LRRC9: variants seen among roughly 807,000 people sequenced by gnomAD.
LRRC9 encodes the protein leucine-rich repeat-containing protein 9.
A neutral mutation model predicts 63.2 loss-of-function variants in LRRC9; 122 were observed. That is an observed-to-expected ratio of 1.93 (90% CI 1.67 to 2.24). LRRC9 has a LOEUF of 2.24. Among genes scored for constraint, LRRC9 ranks in the 30% most tolerant of loss-of-function variants. The pLI is 0.00. For synonymous variants in LRRC9, 366 were observed against 213.1 expected, an observed-to-expected ratio of 1.72 and a Z score of -6.25; for missense variants, 1,071 against 627.7, an observed-to-expected ratio of 1.71 and a Z score of -7.55.
intron 8 of LRRC9, among the ~76,000 whole-genome samples, chr14:59,945,316 C>T (rs758831524): frequency 6.6e-6 from 1 of 151,732 alleles, no homozygotes; most frequent in Non-Finnish European, 1.5e-5. Context: ...AAAACGGAAT[C>T]TTGTATATAT....
Position 60,058,338 on chromosome 14 carries a change from G to A in LRRC9, c.4276+316G>A, listed in dbSNP as rs147675856. 1.6e-3 allele frequency among the ~76,000 whole-genome samples: 249 copies of A among 152,108 alleles called. 2 individuals carry two copies. The highest frequency in any genetic ancestry group is 5.3e-3 in the African/African-American group (219 of 41,512). On this transcript the variant is annotated intron_variant, in intron 31 of 31. Coordinates refer to ENST00000445360, the Ensembl canonical transcript of LRRC9. This position sits in a 1 kb window ranked among gnomAD's most constrained non-coding sequence, Gnocchi z 4.4. ...TTTCAAAGCTTTTATTTCATTTCAT[G>A]GATGTCAGAGCAAACAACTACTAAA...
At chr14:59,967,062 T>C (rs770781698) in intron 11 of LRRC9, 34 bp from the exon 12 acceptor site, 2 of 590,964 alleles carry the variant, frequency 3.4e-6, no homozygotes, top group South Asian at 2.0e-5. Context: ...GTGAAATCAA[T>C]CCTCAAACTT....
At chr14:59,965,523 T>C (rs546462530) in intron 10 of LRRC9, among the ~76,000 whole-genome samples, 1 of 152,264 alleles carries the variant, frequency 6.6e-6, no homozygotes, top group Non-Finnish European at 1.5e-5. Flanking sequence ...ATGGTAACAG[T>C]GGTGATGATG....
intron 23 of LRRC9, among the ~76,000 whole-genome samples, chr14:60,013,821 G>A (rs1016657852): frequency 6.6e-6 from 1 of 151,932 alleles, no homozygotes; most frequent in African/African-American, 2.4e-5. Flanking sequence ...GTTTCTTGTT[G>A]ACAACATACA....
intron 29 of LRRC9, among the ~76,000 whole-genome samples, chr14:60,033,127 ATTGT>A (rs1390515795): frequency 1.3e-5 from 2 of 151,718 alleles, no homozygotes; most frequent in South Asian, 2.1e-4. Context: ...TATTTTCCTA[ATTGT>A]TTGTTGCTGG....
chr14:60,043,756 C>CTTTTTTTTTCT (rs1893161923), intron 29 of LRRC9, among the ~76,000 whole-genome samples: 1 of 71,554 alleles, frequency 1.4e-5, no homozygotes, highest in Non-Finnish European at 2.8e-5. Context: ...TTTTCTTTTC[C>CTTTTTTTTTCT]TTTTTTTTTT....
intron 23 of LRRC9, among the ~76,000 whole-genome samples, chr14:60,013,413 T>C (rs1566876053): frequency 1.3e-5 from 2 of 152,176 alleles, no homozygotes; most frequent in Non-Finnish European, 2.9e-5. Flanking sequence ...AACTTACCTC[T>C]GCTTTTAAAG....
intron 3 of LRRC9, among the ~76,000 whole-genome samples, chr14:59,929,262 G>T (rs925058679): frequency 2.6e-5 from 4 of 151,892 alleles, no homozygotes; most frequent in Non-Finnish European, 5.9e-5. Flanking sequence ...GTGGGCAAAG[G>T]ACATGAACAG....
intron 8 of LRRC9, among the ~76,000 whole-genome samples, chr14:59,956,532 T>C (rs1883772874): frequency 1.3e-5 from 2 of 152,198 alleles, no homozygotes; most frequent in African/African-American, 4.8e-5. Context: ...TATGTGTGTC[T>C]TTGCACGTGA....
chr14:59,990,043 T>C lies in LRRC9; in HGVS notation c.2211+4819T>C, dbSNP rs1240237643. ...CCTGGATTCAAGTAATTCTCCTGCCTTGGCCTCCCGACTAGATGGGATTAC... is the reference window on the plus strand; with the variant it reads ...CCTGGATTCAAGTAATTCTCCTGCCCTGGCCTCCCGACTAGATGGGATTAC... On this transcript the variant is annotated intron_variant, in intron 17 of 31. Coordinates refer to ENST00000445360, the Ensembl canonical transcript of LRRC9. The surrounding 1 kb of genome is among the most constrained non-coding windows in gnomAD (Gnocchi z 4.2). Among the ~76,000 whole-genome samples, 1 of 151,914 alleles carries C rather than the reference T, an allele frequency of 6.6e-6. No individual in the cohort carries two copies. Among genetic ancestry groups the C allele is most frequent in the Non-Finnish European group, 1.5e-5 (1 of 67,986 alleles).
chr14:60,036,939 T>C (rs752456329), intron 29 of LRRC9, among the ~76,000 whole-genome samples: 35 of 152,186 alleles, frequency 2.3e-4, no homozygotes, highest in Non-Finnish European at 4.1e-4. Context: ...CGACAGGCCC[T>C]GGTGTGGGAT....
chr14:60,019,385 T>C, intron 26 of LRRC9, 125 bp downstream of exon 26: 1 of 452,080 alleles, frequency 2.2e-6, no homozygotes, highest in Non-Finnish European at 3.9e-6. Context: ...AATACCTATT[T>C]TATTTAATAG....
At chr14:60,005,965 T>G (rs1889771798) in intron 21 of LRRC9, among the ~76,000 whole-genome samples, 1 of 152,144 alleles carries the variant, frequency 6.6e-6, no homozygotes, top group Non-Finnish European at 1.5e-5. Flanking sequence ...ATTGTTCATT[T>G]TAATACAAAC....
chr14:59,998,515 T>C (rs975515929), intron 18 of LRRC9, among the ~76,000 whole-genome samples: 1 of 152,092 alleles, frequency 6.6e-6, no homozygotes, highest in South Asian at 2.1e-4. Flanking sequence ...CCCAAGATTA[T>C]AAAGTCAAGA....
chr14:59,928,431 G>C, exon 3 of LRRC9: 1 of 695,482 alleles, frequency 1.4e-6, no homozygotes, highest in Admixed American at 2.0e-5. Context: ...GAAATTTCAG[G>C]GTTAGAGCCT....
chr14:59,998,569 T>C (rs1339790505), intron 18 of LRRC9, among the ~76,000 whole-genome samples: 1 of 152,092 alleles, frequency 6.6e-6, no homozygotes, highest in East Asian at 1.9e-4. Context: ...CAGGCTGTGT[T>C]CAGCCTTTAA....
chr14:59,943,689 G>A (rs1882035626), intron 7 of LRRC9, among the ~76,000 whole-genome samples: 1 of 151,966 alleles, frequency 6.6e-6, no homozygotes, highest in African/African-American at 2.4e-5. Flanking sequence ...TAATATGCAT[G>A]GGGAAAGAGG....
At chr14:59,941,698 G>A (rs1022912861) in intron 7 of LRRC9, among the ~76,000 whole-genome samples, 8 of 151,892 alleles carry the variant, frequency 5.3e-5, no homozygotes, top group Non-Finnish European at 1.2e-4. Flanking sequence ...ATAATTCTAT[G>A]TATTCTATAG....
At chr14:59,954,481 G>C (rs1427134075) in intron 8 of LRRC9, among the ~76,000 whole-genome samples, 2 of 152,092 alleles carry the variant, frequency 1.3e-5, no homozygotes, top group East Asian at 3.8e-4. Context: ...TGGTGTATAG[G>C]AATGCTTGTG....
Sources: allele counts gnomAD v4.1 joint callset (sites outside exome capture counted in the v4.1 genomes callset), GRCh38; gene constraint gnomAD v4.1.1; non-coding constraint Gnocchi (gnomAD v3.1); transcripts MANE v1.5; gene names NCBI Gene and HGNC (gene_info 2026-07-23, HGNC 2026-07-21).